Variants in MYO3B observed in about 807,000 individuals in gnomAD.
MYO3B encodes myosin IIIB, also known as myosin-IIIb.
MYO3B carries 156 observed loss-of-function variants against 174.6 expected under a neutral mutation model. That is an observed-to-expected ratio of 0.89 (90% CI 0.78 to 1.02). The LOEUF (loss-of-function observed/expected upper bound fraction) is 1.02, where lower values mean the gene tolerates loss of function less well. MYO3B is among the 50% of genes least tolerant of loss of function. MYO3B has a pLI of 0.00. For synonymous variants in MYO3B, 563 were observed against 569.1 expected (o/e 0.99, Z 0.15); for missense variants, 1,632 against 1,639.4 (o/e 1.00, Z 0.08).
At position 170,478,889 on chromosome 2, in the gene MYO3B, T is replaced by TACACACACACACAC. The variant is rs143792197; in HGVS notation, c.3014+12201_3014+12214dup. ...GCCTGGCCCATATATAGGTTTTACA[T>TACACACACACACAC]ACACACACACACACACACACACACA... On this transcript the variant is annotated intron_variant, in intron 25 of 34. Transcript: ENST00000408978. Among the ~76,000 whole-genome samples, 669 of 137,310 alleles carry TACACACACACACAC rather than the reference T, an allele frequency of 4.9e-3. 7 individuals carry two copies. The highest frequency in any genetic ancestry group is 0.018 in the African/African-American group (640 of 36,126). 90.1% of individuals were successfully genotyped at this position (137,310 alleles called of 152,430 possible).
intron 7 of MYO3B, among the ~76,000 whole-genome samples, chr2:170,303,589 G>C (rs1464475731): frequency 1.3e-5 from 2 of 151,948 alleles, no homozygotes; most frequent in Non-Finnish European, 2.9e-5. Context: ...ATTAAGCCTA[G>C]TACCCATTAG....
At chr2:170,476,103 T>C (rs1685303546) in intron 25 of MYO3B, among the ~76,000 whole-genome samples, 1 of 152,146 alleles carries the variant, frequency 6.6e-6, no homozygotes, top group Non-Finnish European at 1.5e-5. Context: ...GACAAGGGTG[T>C]GGCTCGTCTG....
chr2:170,578,296 G>A (rs1692922117), intron 32 of MYO3B, among the ~76,000 whole-genome samples: 1 of 152,214 alleles, frequency 6.6e-6, no homozygotes, highest in Admixed American at 6.5e-5. Context: ...GGAGGAAGGC[G>A]GGGCCAAAAG....
intron 6 of MYO3B, among the ~76,000 whole-genome samples, chr2:170,231,215 A>T (rs867492024): frequency 1.3e-5 from 2 of 152,202 alleles, no homozygotes; most frequent in African/African-American, 4.8e-5. Context: ...CTGGGGGTAG[A>T]TTTAAGGAGT....
intron 25 of MYO3B, among the ~76,000 whole-genome samples, chr2:170,468,380 A>G (rs1043914255): frequency 1.3e-5 from 2 of 152,110 alleles, no homozygotes; most frequent in African/African-American, 4.8e-5. Flanking sequence ...GTGACTCTAC[A>G]TTTTTGTATT....
intron 7 of MYO3B, among the ~76,000 whole-genome samples, chr2:170,251,508 C>T (rs1402648227): frequency 6.6e-6 from 1 of 152,088 alleles, no homozygotes; most frequent in East Asian, 1.9e-4. Flanking sequence ...AGTAATCAAG[C>T]TGAATGAAGT....
chr2:170,391,814 AT>A (rs932437398), intron 15 of MYO3B, among the ~76,000 whole-genome samples, 196 bp downstream of exon 15: 1 of 151,786 alleles, frequency 6.6e-6, no homozygotes, highest in East Asian at 1.9e-4. Flanking sequence ...CACATGGTTT[AT>A]TTTTTTTCAG....
intron 7 of MYO3B, among the ~76,000 whole-genome samples, chr2:170,267,904 A>C (rs1293574362): frequency 6.6e-6 from 1 of 152,134 alleles, no homozygotes; most frequent in Non-Finnish European, 1.5e-5. Context: ...TAGGGAAAAA[A>C]TGGATAAAGA....
chr2:170,568,872 A>G (rs1420977520), intron 32 of MYO3B, among the ~76,000 whole-genome samples: 1 of 152,188 alleles, frequency 6.6e-6, no homozygotes, highest in Non-Finnish European at 1.5e-5. Context: ...TTTAAAAAGT[A>G]AAGAAGACTG....
chr2:170,293,928 G>GA (rs1268837281), intron 7 of MYO3B, among the ~76,000 whole-genome samples: 2 of 151,642 alleles, frequency 1.3e-5, no homozygotes, highest in African/African-American at 4.8e-5. Context: ...GATATGGAGG[G>GA]AAAAAAATGA....
intron 32 of MYO3B, among the ~76,000 whole-genome samples, chr2:170,637,647 T>C (rs760217872): frequency 7.9e-5 from 12 of 152,192 alleles, no homozygotes; most frequent in Non-Finnish European, 1.2e-4. Flanking sequence ...ACTAATCTCA[T>C]ATTGGATTGT....
intron 22 of MYO3B, among the ~76,000 whole-genome samples, chr2:170,430,374 C>CTTTT (rs11368801): frequency 2.2e-5 from 3 of 136,716 alleles, no homozygotes; most frequent in African/African-American, 5.5e-5. Flanking sequence ...TTCTGGATAG[C>CTTTT]TTTTTTTTTT....
At chr2:170,260,077 G>C (rs530839912) in intron 7 of MYO3B, among the ~76,000 whole-genome samples, 1 of 152,134 alleles carries the variant, frequency 6.6e-6, no homozygotes, top group African/African-American at 2.4e-5. Context: ...TAACATGTTG[G>C]TGAGGCTGCA....
chr2:170,490,303 C>G (rs956168676), intron 25 of MYO3B, among the ~76,000 whole-genome samples: 1 of 152,190 alleles, frequency 6.6e-6, no homozygotes, highest in African/African-American at 2.4e-5. Context: ...GCTGGGATTA[C>G]AGGCGTGAGC....
chr2:170,214,918 T>A, intron 5 of MYO3B, 90 bp downstream of exon 5: 11 of 959,592 alleles, frequency 1.1e-5, no homozygotes, highest in Non-Finnish European at 1.6e-5. Flanking sequence ...GGGGCTTCTC[T>A]GCTACACCAT....
chr2:170,189,594 CT>C (rs2092514054), intron 1 of MYO3B, among the ~76,000 whole-genome samples: 1 of 151,818 alleles, frequency 6.6e-6, no homozygotes, highest in South Asian at 2.1e-4. Context: ...CTTTCTTCTG[CT>C]TGATCAATTC....
intron 25 of MYO3B, among the ~76,000 whole-genome samples, chr2:170,473,139 CTTTTTTTTTTTTTTT>C (rs66837903): frequency 1.1e-4 from 11 of 96,442 alleles, no homozygotes; most frequent in African/African-American, 4.0e-4. Context: ...TTTTTCTTTT[CTTTTTTTTTTTTTTT>C]TTTTTTGAGA....
rs575149626 is a variant in MYO3B at position 170,213,280 on chromosome 2, T to A, written c.322-1099T>A. On this transcript the variant is annotated intron_variant, in intron 3 of 34. Transcript: ENST00000408978. The stretch of plus-strand genomic sequence containing the variant: ...AAGACTCCTGTCTCAAGAGCCGAGC[T>A]CTCTGAGTGAGCAATTCCTGTCCCT... Among the ~76,000 whole-genome samples, 271 of 152,268 alleles carry A rather than the reference T, an allele frequency of 1.8e-3. 2 individuals are homozygous for A. The highest frequency in any genetic ancestry group is 6.2e-3 in the African/African-American group (256 of 41,566).
At chr2:170,220,588 C>G (rs2092886001) in intron 6 of MYO3B, among the ~76,000 whole-genome samples, 1 of 144,814 alleles carries the variant, frequency 6.9e-6, no homozygotes, top group Admixed American at 7.0e-5. Flanking sequence ...AAGATTGCAC[C>G]ACTGCACTCC....
Sources: gnomAD v4.1 joint callset for allele counts (sites outside exome capture counted in the v4.1 genomes callset) on GRCh38, gnomAD v4.1.1 for gene constraint, MANE v1.5 for transcripts, NCBI Gene and HGNC (gene_info 2026-07-23, HGNC 2026-07-21) for gene names.